The following DOCK4 variants were observed in gnomAD, a reference collection of about 807,000 sequenced individuals.
The protein encoded by DOCK4 is dedicator of cytokinesis 4, also known as dedicator of cytokinesis protein 4.
A neutral mutation model predicts 268.1 loss-of-function variants in DOCK4; 97 were observed. The ratio of observed to expected loss-of-function variants is 0.36; its 90% CI spans 0.31 to 0.43. The LOEUF (loss-of-function observed/expected upper bound fraction) is 0.43. Among genes scored for constraint, DOCK4 ranks in the 20% least tolerant of loss-of-function variants. The pLI is 1.00. For synonymous variants in DOCK4, 954 were observed against 887.2 expected (o/e 1.08, Z -1.34); for missense variants, 2,145 against 2,455.7 (o/e 0.87, Z 2.67).
At chr7:111,922,198 C>A (rs1244605938) in intron 12 of DOCK4, among the ~76,000 whole-genome samples, 3 of 152,166 alleles carry the variant, frequency 2.0e-5, no homozygotes, top group Non-Finnish European at 4.4e-5. Flanking sequence ...GTAATTTAGT[C>A]AGGAGGAGAG....
chr7:112,028,294 G>A lies in DOCK4; in HGVS notation c.38-24163C>T, dbSNP rs186846521. On this transcript the variant is annotated intron_variant, in intron 1 of 52. Transcript: ENST00000428084. ...CCTCTGAGGGCTGAGAATCTAATCG[G>A]TAAAAGCAAAGATAAGAAATGGTTT... is the stretch of plus-strand genomic sequence containing the variant. Among the ~76,000 whole-genome samples, 141 of 152,284 alleles carry A rather than the reference G, an allele frequency of 9.3e-4. 7 individuals are homozygous for A. In the South Asian group the frequency reaches 0.019, roughly 21 times the overall value.
chr7:111,732,405 G>T, intron 51 of DOCK4, 118 bp from the exon 52 acceptor site: 3 of 1,005,902 alleles, frequency 3.0e-6, no homozygotes, highest in Non-Finnish European at 3.0e-6. Flanking sequence ...GACCTTCTAA[G>T]CAAAGGGGGT....
chr7:111,971,754 C>T, intron 8 of DOCK4: 1 of 297,276 alleles, frequency 3.4e-6, no homozygotes. Context: ...TGGTCCAAGG[C>T]CTGAATGAAC....
At chr7:111,738,444 C>T (rs1485066125) in intron 49 of DOCK4, among the ~76,000 whole-genome samples, 1 of 152,236 alleles carries the variant, frequency 6.6e-6, no homozygotes, top group Non-Finnish European at 1.5e-5. Flanking sequence ...GAGAATGCTT[C>T]TCTTCAAGGG....
At chr7:112,128,935 C>T (rs181849178) in intron 1 of DOCK4, among the ~76,000 whole-genome samples, 30 of 152,326 alleles carry the variant, frequency 2.0e-4, no homozygotes, top group South Asian at 4.1e-4. Flanking sequence ...AAACTGATCC[C>T]TCTCATATAC....
chr7:112,125,870 G>A (rs554710148), intron 1 of DOCK4, among the ~76,000 whole-genome samples: 20 of 152,126 alleles, frequency 1.3e-4, no homozygotes, highest in South Asian at 4.2e-4. Context: ...ATACTGTGGC[G>A]TGATCATGGC....
At chr7:112,120,837 A>G (rs1321748114) in intron 1 of DOCK4, among the ~76,000 whole-genome samples, 1 of 152,250 alleles carries the variant, frequency 6.6e-6, no homozygotes, top group East Asian at 1.9e-4. Context: ...TGCTAATTTT[A>G]GAATAATTCA....
At chr7:112,073,885 A>C (rs1282624369) in intron 1 of DOCK4, among the ~76,000 whole-genome samples, 1 of 152,082 alleles carries the variant, frequency 6.6e-6, no homozygotes, top group African/African-American at 2.4e-5. Context: ...TTTATTATAT[A>C]TTTTCAGAAA....
chr7:111,765,016 A>G (rs1797680287), intron 39 of DOCK4, 102 bp downstream of exon 39: 1 of 512,050 alleles, frequency 2.0e-6, no homozygotes, highest in Non-Finnish European at 3.3e-6. Context: ...AGTCTCATGC[A>G]TATTATTACC....
chr7:111,940,174 C>T lies in DOCK4; in HGVS notation c.913G>A (p.Val305Ile). ...GTTAGCAGGTCAGCGATGCTAAGAA[C>T]TGCACAGCCAAAGGGTCGTCGGTAC... ...VQYRRPFGCA[V>I]LSIADLLTGE... Residue 305 changes from valine (V) to isoleucine (I), a missense_variant, in exon 11 of 53, where the codon GTT becomes ATT. Physicochemically the swap from Val to Ile is conservative, Grantham distance 29. Around this residue, in one of 2 missense-constraint regions of DOCK4, gnomAD observed 1,598 missense variants for 1,986.7 expected, o/e 0.80. Coordinates refer to ENST00000428084, the MANE Select transcript of DOCK4 (RefSeq NM_001363540.2). 1.2e-6 allele frequency: 2 copies of T among 1,614,014 alleles called. No individual in the cohort carries two copies. The highest frequency in any genetic ancestry group is 1.7e-6 in the Non-Finnish European group (2 of 1,179,888).
At chr7:111,918,339 C>G (rs1792793471) in intron 12 of DOCK4, among the ~76,000 whole-genome samples, 1 of 152,186 alleles carries the variant, frequency 6.6e-6, no homozygotes, top group South Asian at 2.1e-4. Context: ...CTAACTACCC[C>G]TTATCTCCCT....
At chr7:112,179,674 G>A (rs762639757) in intron 1 of DOCK4, among the ~76,000 whole-genome samples, 3 of 151,748 alleles carry the variant, frequency 2.0e-5, no homozygotes, top group Non-Finnish European at 4.4e-5. Flanking sequence ...TGACACATAA[G>A]GTCACCTCAA....
rs564948847 is a variant in DOCK4 at position 112,049,628 on chromosome 7, T to C, written c.38-45497A>G. Among the ~76,000 whole-genome samples the C allele has an allele frequency of 6.0e-4, 91 of 152,284 alleles. 1 individual carries two copies. Among genetic ancestry groups the C allele is most frequent in the African/African-American group, 2.0e-3 (82 of 41,584 alleles). On this transcript the variant is annotated intron_variant, in intron 1 of 52. Coordinates refer to ENST00000428084, the MANE Select transcript of DOCK4 (RefSeq NM_001363540.2). ...GGATTAAAAAAGCAAGACTAAACTA[T>C]ATGCTGTCTACAAGGAAAGCACTTC...
rs1367491530 is a variant in DOCK4, at chr7:111,760,389, A to C, written c.4021-67T>G. 6.6e-6 allele frequency: 10 copies of C among 1,521,522 alleles called. No homozygotes were observed. In the East Asian group the frequency reaches 2.0e-4, roughly 31 times the overall value. The allele number at this position is 1,521,522 out of a possible 1,614,324, so 94.3% of individuals were successfully genotyped here. A position where few individuals can be genotyped will look rare whatever the true frequency, so the allele number is the denominator to read the frequency against. The stretch of plus-strand genomic sequence containing the variant: ...AGTGGATTACAGACAGAGCCAAAAA[A>C]CATGACACTGGCAGTAACTGACCAC... On this transcript the variant is annotated intron_variant, in intron 39 of 52. Transcript: ENST00000428084.
At chr7:112,096,534 G>T (rs1415646247) in intron 1 of DOCK4, among the ~76,000 whole-genome samples, 1 of 151,990 alleles carries the variant, frequency 6.6e-6, no homozygotes, top group African/African-American at 2.4e-5. Flanking sequence ...TTTTATTTTG[G>T]TCTTTTAAGT....
intron 5 of DOCK4, among the ~76,000 whole-genome samples, chr7:111,993,109 A>G (rs1044171141): frequency 1.3e-5 from 2 of 152,198 alleles, no homozygotes; most frequent in Non-Finnish European, 2.9e-5. Context: ...GAAGTCCAAC[A>G]TCAAAGGGTT....
chr7:111,958,349 T>C (rs1796597713), intron 8 of DOCK4, among the ~76,000 whole-genome samples: 1 of 152,206 alleles, frequency 6.6e-6, no homozygotes, highest in South Asian at 2.1e-4. Flanking sequence ...TGGCGTTGAA[T>C]ACCAAAGAAG....
intron 1 of DOCK4, among the ~76,000 whole-genome samples, chr7:112,047,002 G>A (rs1424757490): frequency 6.6e-6 from 1 of 152,172 alleles, no homozygotes; most frequent in African/African-American, 2.4e-5. Flanking sequence ...ATTAACCAGT[G>A]CAAAATGTGA....
chr7:112,010,185 G>C (rs1801172818), intron 1 of DOCK4, among the ~76,000 whole-genome samples: 1 of 152,124 alleles, frequency 6.6e-6, no homozygotes, highest in Admixed American at 6.5e-5. Flanking sequence ...AAAGGAAAAG[G>C]GGTCACCTCT....
Sources: allele counts gnomAD v4.1 joint callset (sites outside exome capture counted in the v4.1 genomes callset), GRCh38; gene constraint gnomAD v4.1.1; regional missense constraint gnomAD v4.1.1; transcripts MANE v1.5; gene names NCBI Gene and HGNC (gene_info 2026-07-23, HGNC 2026-07-21).